TCTN1: variants seen among roughly 807,000 people sequenced by gnomAD.
TCTN1 encodes the protein tectonic family member 1.
In TCTN1, 58 loss-of-function variants were observed where a neutral mutation model predicts 65.8. That is an observed-to-expected ratio of 0.88 (90% CI 0.71 to 1.10). TCTN1 has a LOEUF of 1.10. Ranked by LOEUF, TCTN1 falls within the 50% of genes least tolerant of loss-of-function variation. The pLI is 0.00. For synonymous variants in TCTN1, 273 were observed against 289.1 expected, an observed-to-expected ratio of 0.94 and a Z score of 0.57; for missense variants, 645 against 719.4, an observed-to-expected ratio of 0.90 and a Z score of 1.18.
chr12:110,614,296 C>G lies in TCTN1; in HGVS notation c.114C>G (p.Thr38=). Residue 38 remains threonine, a synonymous_variant, in exon 1 of 15, where the codon ACC becomes ACG. Coordinates refer to ENST00000397659, the MANE Select transcript of TCTN1 (RefSeq NM_001082538.3). The part of the protein sequence containing the change: ...PAVTTEGLNS[T]EAALATFGTF... ...TGACGACAGAGGGCCTCAACTCCACCGAGGCAGCCCTGGCCACCTTCGGAA... is the reference window on the plus strand; with the variant it reads ...TGACGACAGAGGGCCTCAACTCCACGGAGGCAGCCCTGGCCACCTTCGGAA... 1 of 1,599,204 alleles carries G rather than the reference C, an allele frequency of 6.3e-7. No homozygotes were observed. The highest frequency in any genetic ancestry group is 1.1e-5 in the South Asian group (1 of 88,650).
At chr12:110,647,484 C>G in intron 13 of TCTN1, 148 bp downstream of exon 13, 1 of 1,143,288 alleles carries the variant, frequency 8.7e-7, no homozygotes, top group Non-Finnish European at 1.3e-6. Context: ...TTCTTAGAAA[C>G]ACTGACGATG....
Position 110,614,143 on chromosome 12 carries a change from C to G in TCTN1, c.-40C>G. ...TGGCTGTCGCGGTTGCCGGGCAACG[C>G]GCTGTCCATGTCGCGGGCCTCGCTG... On this transcript the variant is annotated 5_prime_UTR_variant, in exon 1 of 15. Transcript: ENST00000397659. 6.5e-7 allele frequency: 1 copy of G among 1,544,048 alleles called. No individual in the cohort carries two copies. Among genetic ancestry groups the G allele is most frequent in the Non-Finnish European group, 8.7e-7 (1 of 1,146,194 alleles).
intron 1 of TCTN1, among the ~76,000 whole-genome samples, chr12:110,615,319 A>C (rs2064963540): frequency 6.6e-6 from 1 of 152,182 alleles, no homozygotes; most frequent in Non-Finnish European, 1.5e-5. Context: ...TGACCCGCTA[A>C]GATTGAGTGC....
At chr12:110,624,456 C>G (rs748983424) in intron 2 of TCTN1, among the ~76,000 whole-genome samples, 1 of 152,072 alleles carries the variant, frequency 6.6e-6, no homozygotes, top group Non-Finnish European at 1.5e-5. Context: ...TCAAGTGATC[C>G]TCCTCAGCCT....
chr12:110,632,952 G>T (rs2066328607), intron 5 of TCTN1, among the ~76,000 whole-genome samples: 2 of 152,158 alleles, frequency 1.3e-5, no homozygotes, highest in South Asian at 4.1e-4. Flanking sequence ...ATTGTGTGCT[G>T]GGTATTGTGT....
intron 2 of TCTN1, among the ~76,000 whole-genome samples, chr12:110,622,421 C>T (rs183733040): frequency 1.3e-5 from 2 of 152,212 alleles, no homozygotes; most frequent in Non-Finnish European, 1.5e-5. Flanking sequence ...AGCTTACCGT[C>T]GAGTAAGGGA....
intron 11 of TCTN1, among the ~76,000 whole-genome samples, chr12:110,643,188 C>A (rs1257809646): frequency 6.6e-6 from 1 of 152,090 alleles, no homozygotes; most frequent in Non-Finnish European, 1.5e-5. Context: ...CAGGTGTGAG[C>A]CACTGTGCCT....
intron 4 of TCTN1, among the ~76,000 whole-genome samples, chr12:110,631,495 G>A (rs750558599): frequency 3.3e-5 from 5 of 151,970 alleles, no homozygotes; most frequent in East Asian, 2.0e-4. Context: ...TTAGCTGGGC[G>A]TGGTGGTGCG....
intron 2 of TCTN1, chr12:110,625,710 A>G (rs1007015213): frequency 1.4e-5 from 2 of 148,074 alleles, no homozygotes; most frequent in African/African-American, 5.0e-5. Context: ...GTGCCACTGC[A>G]CTCCAGCCTG....
intron 2 of TCTN1, among the ~76,000 whole-genome samples, chr12:110,622,226 T>G (rs1437069808): frequency 6.6e-6 from 1 of 152,162 alleles, no homozygotes; most frequent in African/African-American, 2.4e-5. Context: ...CCTTGTTGAC[T>G]TCCTCTACCA....
At chr12:110,629,749 T>C (rs1055339243) in intron 4 of TCTN1, 1 of 152,210 alleles carries the variant, frequency 6.6e-6, no homozygotes, top group African/African-American at 2.4e-5. Context: ...ACTGAGTATA[T>C]ACCCAAAGGA....
At position 110,641,871 on chromosome 12, in the gene TCTN1, TA is replaced by T. The variant is rs1025910384; in HGVS notation, c.1190+246del. ...GGAAAATGTCAGTGTTTTTTTTTTT[TA>T]ATCTCCTTTTTTTTTTCAGCCTGCC... is the stretch of plus-strand genomic sequence containing the variant. On this transcript the variant is annotated intron_variant, in intron 10 of 14. Coordinates refer to ENST00000397659, the MANE Select transcript of TCTN1 (RefSeq NM_001082538.3). The T allele has an allele frequency of 2.1e-4, 122 of 567,602 alleles. 1 individual carries two copies. The highest frequency in any genetic ancestry group is 1.6e-4 in the South Asian group (7 of 43,562). 35.2% of individuals were successfully genotyped at this position (567,602 alleles called of 1,614,324 possible).
Position 110,644,373 on chromosome 12 carries a change from A to C in TCTN1, c.1332-594A>C. 1 of 157,486 alleles carries C rather than the reference A, an allele frequency of 6.3e-6. No individual in the cohort carries two copies. Among genetic ancestry groups the C allele is most frequent in the Non-Finnish European group, 1.4e-5 (1 of 71,106 alleles). 9.8% of individuals were successfully genotyped at this position (157,486 alleles called of 1,614,324 possible). On this transcript the variant is annotated intron_variant, in intron 11 of 14. Transcript: ENST00000397659. This position sits in a 1 kb window ranked among gnomAD's most constrained non-coding sequence, Gnocchi z 4.6. ...AGAATGAGAAGATAATGAAACTGGG[A>C]AGGAATGGAACTGCTCGTGGGGCTG...
chr12:110,635,189 A>T (rs1021841892), intron 6 of TCTN1, among the ~76,000 whole-genome samples: 1 of 152,218 alleles, frequency 6.6e-6, no homozygotes, highest in Non-Finnish European at 1.5e-5. Context: ...TTGGCAGATG[A>T]CACAGGCAGT....
chr12:110,626,266 T>C, intron 2 of TCTN1, 96 bp from the exon 3 acceptor site: 5 of 1,346,046 alleles, frequency 3.7e-6, no homozygotes, highest in Non-Finnish European at 5.1e-6. Flanking sequence ...ACTGTTAACA[T>C]AGTACAGTAC....
intron 7 of TCTN1, among the ~76,000 whole-genome samples, chr12:110,638,940 G>A (rs1045562722): frequency 9.2e-5 from 14 of 152,230 alleles, no homozygotes; most frequent in Non-Finnish European, 1.6e-4. Context: ...GGGCCTCACA[G>A]TGACTAGCAT....
chr12:110,614,427 G>A (rs867903075), intron 1 of TCTN1, 25 bp downstream of exon 1: 1 of 1,575,162 alleles, frequency 6.3e-7, no homozygotes, highest in South Asian at 1.2e-5. Flanking sequence ...CCAGCTCCTG[G>A]AGTCCACAGT....
chr12:110,642,112 GA>G, intron 10 of TCTN1, 136 bp from the exon 11 acceptor site: 3 of 1,137,462 alleles, frequency 2.6e-6, no homozygotes, highest in Non-Finnish European at 3.9e-6. Flanking sequence ...CTGCTCCTGG[GA>G]AATAGCTGTC....
At chr12:110,626,819 G>T (rs1222560908) in intron 3 of TCTN1, among the ~76,000 whole-genome samples, 1 of 140,748 alleles carries the variant, frequency 7.1e-6, no homozygotes, top group Non-Finnish European at 1.5e-5. Context: ...TGCCCAGGCT[G>T]GAGTGCAACG....
Sources: gnomAD v4.1 joint callset for allele counts (sites outside exome capture counted in the v4.1 genomes callset) on GRCh38, gnomAD v4.1.1 for gene constraint, Gnocchi (gnomAD v3.1) non-coding constraint, MANE v1.5 for transcripts, NCBI Gene and HGNC (gene_info 2026-07-23, HGNC 2026-07-21) for gene names.